Variants in GRIP1 observed in about 807,000 individuals in gnomAD.
GRIP1 encodes glutamate receptor interacting protein 1, also known as glutamate receptor-interacting protein 1.
A neutral mutation model predicts 129.9 loss-of-function variants in GRIP1; 45 were observed. The ratio of observed to expected loss-of-function variants is 0.35; its 90% CI spans 0.27 to 0.44. The LOEUF (loss-of-function observed/expected upper bound fraction) is 0.44, where lower values mean the gene tolerates loss of function less well. Ranked by LOEUF, GRIP1 falls within the 20% of genes least tolerant of loss-of-function variation. The pLI is 1.00. For synonymous variants in GRIP1, 530 were observed against 520.8 expected, an observed-to-expected ratio of 1.02 and a Z score of -0.24; for missense variants, 1,196 against 1,396.8, an observed-to-expected ratio of 0.86 and a Z score of 2.29.
At chr12:66,679,909 C>A (rs1287587871), upstream of GRIP1, among the ~76,000 whole-genome samples, 2 of 152,128 alleles carry the variant, frequency 1.3e-5, no homozygotes, top group Non-Finnish European at 2.9e-5. Context: ...AATTAACAAA[C>A]CCTTCACAAT....
intron 1 of GRIP1, among the ~76,000 whole-genome samples, chr12:66,719,295 C>T (rs946985344): frequency 2.0e-5 from 3 of 152,014 alleles, no homozygotes; most frequent in African/African-American, 7.3e-5. Flanking sequence ...AAGAATTTTG[C>T]ACAATGTGAA....
At chr12:66,354,162 AT>A (rs1565658195) in intron 23 of GRIP1, among the ~76,000 whole-genome samples, 1 of 151,990 alleles carries the variant, frequency 6.6e-6, no homozygotes, top group Non-Finnish European at 1.5e-5. Context: ...CTCCCTCAGC[AT>A]TTGTCTAGGG....
intron 1 of GRIP1, among the ~76,000 whole-genome samples, chr12:66,983,022 T>C (rs898842411): frequency 6.6e-6 from 1 of 152,176 alleles, no homozygotes; most frequent in Admixed American, 6.6e-5. Flanking sequence ...TTCTGGCACT[T>C]TTCCCTCCAC....
chr12:66,630,558 G>C (rs1405361641), intron 1 of GRIP1, among the ~76,000 whole-genome samples: 1 of 152,160 alleles, frequency 6.6e-6, no homozygotes, highest in Admixed American at 6.5e-5. Context: ...GGAGAAGTTA[G>C]TTGAAAACAG....
At chr12:66,787,106 A>G (rs1474728582) in intron 1 of GRIP1, among the ~76,000 whole-genome samples, 1 of 152,092 alleles carries the variant, frequency 6.6e-6, no homozygotes, top group Non-Finnish European at 1.5e-5. Context: ...TGACCCCTAA[A>G]TGGCCCCAGC....
rs554258939 is a variant in GRIP1, at chr12:66,398,483, TC to T, written c.1985-4132del. Reference sequence around the variant, plus strand: ...TACTCCCTATGCACAAACACCTTTCTCCCATTTGTTATCCTGTAGAATTTCT... The same window carrying T: ...TACTCCCTATGCACAAACACCTTTCTCCATTTGTTATCCTGTAGAATTTCT... On this transcript the variant is annotated intron_variant, in intron 16 of 24. Coordinates refer to ENST00000359742, the MANE Select transcript of GRIP1 (RefSeq NM_001366722.1). Among the ~76,000 whole-genome samples the T allele has an allele frequency of 2.4e-3, 370 of 152,036 alleles. 10 individuals carry two copies. The highest frequency in any genetic ancestry group is 7.9e-3 in the African/African-American group (326 of 41,316).
At chr12:66,568,633 T>G (rs2062851009) in intron 2 of GRIP1, 1 of 190,830 alleles carries the variant, frequency 5.2e-6, no homozygotes, top group Non-Finnish European at 1.1e-5. Flanking sequence ...CAGAAGAATC[T>G]ATTAAGTGCT....
chr12:66,467,332 T>C (rs7132670), intron 7 of GRIP1, among the ~76,000 whole-genome samples: 41,097 of 152,082 alleles, frequency 0.27, 6,555 homozygotes, highest in African/African-American at 0.44. Context: ...GATGTATTAA[T>C]TCCCCTGATC....
chr12:66,434,409 T>C (rs1277748803), intron 13 of GRIP1, among the ~76,000 whole-genome samples: 1 of 152,208 alleles, frequency 6.6e-6, no homozygotes, highest in East Asian at 1.9e-4. Flanking sequence ...TGTCTTCAGC[T>C]AACACTCTCA....
chr12:66,961,683 T>C lies in GRIP1; in HGVS notation c.58+107367A>G, dbSNP rs73315227. 3.8e-3 allele frequency among the ~76,000 whole-genome samples: 576 copies of C among 152,264 alleles called. 5 individuals are homozygous for C. Among genetic ancestry groups the C allele is most frequent in the African/African-American group, 0.013 (556 of 41,540 alleles). ...GGCCCCAATTTTTTTAAAGCTCATTTGTTCATCAAATATTTATTGAATACT... is the reference window on the plus strand; with the variant it reads ...GGCCCCAATTTTTTTAAAGCTCATTCGTTCATCAAATATTTATTGAATACT... On this transcript the variant is annotated intron_variant, in intron 1 of 1. Transcript: ENST00000643019.
intron 1 of GRIP1, among the ~76,000 whole-genome samples, chr12:66,956,892 ATATG>A (rs899617755): frequency 6.6e-6 from 1 of 152,180 alleles, no homozygotes; most frequent in African/African-American, 2.4e-5. Flanking sequence ...CTACCTGTAT[ATATG>A]TATTAAACTA....
chr12:66,559,573 T>C (rs942322444), intron 2 of GRIP1, among the ~76,000 whole-genome samples: 2 of 152,012 alleles, frequency 1.3e-5, no homozygotes, highest in Non-Finnish European at 2.9e-5. Context: ...AGTAATTCCA[T>C]TTACAACAGC....
intron 2 of GRIP1, among the ~76,000 whole-genome samples, chr12:66,573,633 C>T (rs2063039533): frequency 6.6e-6 from 1 of 152,168 alleles, no homozygotes; most frequent in Admixed American, 6.5e-5. Context: ...CGTTCCTAAC[C>T]AGATAGGTGT....
At position 66,348,910 on chromosome 12, in the gene GRIP1, G is replaced by A; in HGVS notation, c.*109C>T. 1.2e-6 allele frequency: 1 copy of A among 838,636 alleles called. No homozygotes were observed. Among genetic ancestry groups the A allele is most frequent in the South Asian group, 1.3e-5 (1 of 74,848 alleles). The allele number at this position is 838,636 out of a possible 1,614,324, so 51.9% of individuals were successfully genotyped here. On this transcript the variant is annotated 3_prime_UTR_variant, in exon 25 of 25. Coordinates refer to ENST00000359742, the MANE Select transcript of GRIP1 (RefSeq NM_001366722.1). Reference sequence around the variant, plus strand: ...GATTTAAAAGACCCCTGTGCTTGCAGTTAATGCCACGTTGATTGATTATCT... The same window carrying A: ...GATTTAAAAGACCCCTGTGCTTGCAATTAATGCCACGTTGATTGATTATCT...
intron 1 of GRIP1, among the ~76,000 whole-genome samples, chr12:67,068,641 T>C (rs2043673852): frequency 6.6e-6 from 1 of 151,322 alleles, no homozygotes; most frequent in African/African-American, 2.4e-5. Context: ...TGGAGGAAAG[T>C]TTGAAAAGTC....
intron 7 of GRIP1, among the ~76,000 whole-genome samples, chr12:66,474,014 T>A (rs534460210): frequency 1.3e-5 from 2 of 152,034 alleles, no homozygotes; most frequent in African/African-American, 4.8e-5. Context: ...CTTCAGAAGA[T>A]GGGTAATAAC....
intron 1 of GRIP1, among the ~76,000 whole-genome samples, chr12:67,019,442 G>T (rs1006969173): frequency 6.6e-6 from 1 of 152,190 alleles, no homozygotes; most frequent in Non-Finnish European, 1.5e-5. Context: ...GATGCAATAT[G>T]AAGGAAGGAA....
chr12:67,020,139 G>A (rs2042844099), intron 1 of GRIP1, among the ~76,000 whole-genome samples: 1 of 152,166 alleles, frequency 6.6e-6, no homozygotes, highest in East Asian at 1.9e-4. Flanking sequence ...AATAAATGTA[G>A]AAAACAGTTT....
intron 1 of GRIP1, among the ~76,000 whole-genome samples, chr12:66,912,515 T>G (rs1217681676): frequency 1.3e-5 from 2 of 152,166 alleles, no homozygotes; most frequent in Non-Finnish European, 2.9e-5. Context: ...TTATATTTGA[T>G]TCATATCTGA....
Sources: allele counts gnomAD v4.1 joint callset (sites outside exome capture counted in the v4.1 genomes callset), GRCh38; gene constraint gnomAD v4.1.1; transcripts MANE v1.5; gene names NCBI Gene and HGNC (gene_info 2026-07-23, HGNC 2026-07-21).